The following TRAPPC12 variants were observed in gnomAD, a reference collection of about 807,000 sequenced individuals.
TRAPPC12 encodes TPR repeat protein 15.
TRAPPC12 carries 61 observed loss-of-function variants against 69.2 expected under a neutral mutation model. The ratio of observed to expected loss-of-function variants is 0.88; its 90% CI spans 0.72 to 1.09. The LOEUF is 1.09. Ranked by LOEUF, TRAPPC12 falls within the 50% of genes least tolerant of loss-of-function variation. TRAPPC12 has a pLI of 0.00. For synonymous variants in TRAPPC12, 469 were observed against 438.9 expected (o/e 1.07, Z -0.86); for missense variants, 1,101 against 1,016.4 (o/e 1.08, Z -1.13).
At chr2:3,452,446 C>G (rs764371643) in intron 6 of TRAPPC12, among the ~76,000 whole-genome samples, 1 of 152,174 alleles carries the variant, frequency 6.6e-6, no homozygotes, top group Admixed American at 6.5e-5. Flanking sequence ...AATGCATGGC[C>G]GCATTTAAAC....
In TRAPPC12 at chr2:3,414,380, G is replaced by T. The variant is rs370354175; in HGVS notation, c.1165-7501G>T. ...TAAGCATGGCAGTGGGGTCCTGGCA[G>T]CAGTCACTCCACTCTGGATTTAGTC... On this transcript the variant is annotated intron_variant, in intron 3 of 11. Transcript: ENST00000324266. The surrounding 1 kb of genome is among the most constrained non-coding windows in gnomAD (Gnocchi z 4.9). Among the ~76,000 whole-genome samples the T allele has an allele frequency of 3.3e-5, 5 of 152,188 alleles. No individual in the cohort carries two copies. The East Asian group carries it at 9.7e-4, about 30-fold the overall frequency.
intron 5 of TRAPPC12, among the ~76,000 whole-genome samples, chr2:3,434,586 C>T (rs1019008167): frequency 2.0e-5 from 3 of 152,198 alleles, no homozygotes; most frequent in African/African-American, 7.2e-5. Context: ...ACCTGGCCGG[C>T]TTGGGTCACC....
At chr2:3,392,531 G>T (rs1359136417) in intron 2 of TRAPPC12, among the ~76,000 whole-genome samples, 4 of 152,152 alleles carry the variant, frequency 2.6e-5, no homozygotes, top group Admixed American at 1.3e-4. Context: ...GTCTTATGTT[G>T]TATTTCTCCC....
At position 3,443,875 on chromosome 2, in the gene TRAPPC12, A is replaced by G; in HGVS notation, c.1514A>G (p.Lys505Arg). 6.2e-7 allele frequency: 1 copy of G among 1,613,814 alleles called. No individual in the cohort carries two copies. The change falls in exon 6 of 12, where the codon AAG (lysine) becomes AGG (arginine). Residue 505 changes from lysine (K) to arginine (R), a missense_variant. Lys to Arg is a conservative substitution (Grantham distance 26). Coordinates refer to ENST00000324266, the MANE Select transcript of TRAPPC12 (RefSeq NM_016030.6). ...TCGCTGGATAGACTGCACAAGGTGA[A>G]GACTGTCTGCAGCAAGGTAGGTGGC... ...QESLDRLHKV[K>R]TVCSKILANL...
At position 3,384,725 on chromosome 2, in the gene TRAPPC12, G is replaced by T. The variant is rs550620559; in HGVS notation, c.-4-2895G>T. On this transcript the variant is annotated intron_variant, in intron 1 of 11. Coordinates refer to ENST00000324266, the MANE Select transcript of TRAPPC12 (RefSeq NM_016030.6). ...GAGTGAGATGATAGCTTCCCTTTTA[G>T]TATGGCCTTGTCAAATTTTGGTCTC... Among the ~76,000 whole-genome samples, 3 of 152,250 alleles carry T rather than the reference G, an allele frequency of 2.0e-5. No individual in the cohort carries two copies. In the South Asian group the frequency reaches 6.2e-4, roughly 32 times the overall value.
At chr2:3,457,341 T>C in intron 6 of TRAPPC12, 1 of 473,388 alleles carries the variant, frequency 2.1e-6, no homozygotes, top group Non-Finnish European at 4.0e-6. Context: ...TTGGGTCCCA[T>C]GCTGACTACC....
At chr2:3,408,638 T>TA (rs1006678156) in intron 3 of TRAPPC12, among the ~76,000 whole-genome samples, 4 of 151,058 alleles carry the variant, frequency 2.6e-5, no homozygotes, top group Admixed American at 6.6e-5. Context: ...AAAAAAAATT[T>TA]AAAAAAAAAT....
chr2:3,416,397 G>A (rs1043042556), intron 3 of TRAPPC12, among the ~76,000 whole-genome samples: 2 of 152,042 alleles, frequency 1.3e-5, no homozygotes, highest in South Asian at 2.1e-4. Context: ...CTGTGTGTCC[G>A]CAGGGGCAGT....
chr2:3,421,705 A>C, intron 3 of TRAPPC12, 176 bp from the exon 4 acceptor site: 1 of 720,486 alleles, frequency 1.4e-6, no homozygotes, highest in Non-Finnish European at 2.6e-6. Flanking sequence ...TGCAGCGTTG[A>C]CAAATGGCAT....
In TRAPPC12 at chr2:3,387,686, C is replaced by T. The variant is rs745391786; in HGVS notation, c.63C>T (p.Leu21=). ...CGGAGGCCCCGCACCCCCCTCAGCT[C>T]GCGCCTCCGGAGGAGCAGGGGTTGC... ...PAPEAPHPPQ[L]APPEEQGLLF... Residue 21 remains leucine, a synonymous_variant, in exon 2 of 12, where the codon CTC becomes CTT. Coordinates refer to ENST00000324266, the MANE Select transcript of TRAPPC12 (RefSeq NM_016030.6). 8 of 1,563,692 alleles carry T rather than the reference C, an allele frequency of 5.1e-6. No individual in the cohort carries two copies. In the East Asian group the frequency reaches 9.7e-5, roughly 19 times the overall value.
In TRAPPC12 at chr2:3,414,467, CCTGGGGTCTGCCACT is replaced by C. The variant is rs1439094661; in HGVS notation, c.1165-7405_1165-7391del. 6.6e-6 allele frequency among the ~76,000 whole-genome samples: 1 copy of C among 152,102 alleles called. No individual in the cohort carries two copies. The highest frequency in any genetic ancestry group is 1.9e-4 in the East Asian group (1 of 5,178). On this transcript the variant is annotated intron_variant, in intron 3 of 11. Transcript: ENST00000324266. The surrounding 1 kb of genome is among the most constrained non-coding windows in gnomAD (Gnocchi z 4.9). ...TTCTTGTCCTCCCCCCTGCCGCCACCCTGGGGTCTGCCACTCTGGGGTCCAGCCTCTAGCTCCAGC... is the reference window on the plus strand; with the variant it reads ...TTCTTGTCCTCCCCCCTGCCGCCACCCTGGGGTCCAGCCTCTAGCTCCAGC...
intron 5 of TRAPPC12, among the ~76,000 whole-genome samples, chr2:3,429,053 T>C (rs770704299): frequency 4.6e-5 from 7 of 152,146 alleles, no homozygotes; most frequent in Non-Finnish European, 7.3e-5. Context: ...GCGGGAGAGG[T>C]GGAAGCTGCT....
intron 2 of TRAPPC12, among the ~76,000 whole-genome samples, chr2:3,401,130 C>T (rs1318837534): frequency 6.6e-6 from 1 of 152,224 alleles, no homozygotes; most frequent in East Asian, 1.9e-4. Flanking sequence ...CCCAGCAGCT[C>T]CTGGAGCAAG....
chr2:3,457,519 T>C (rs562287943), intron 6 of TRAPPC12, 102 bp from the exon 7 acceptor site: 124 of 856,738 alleles, frequency 1.4e-4, no homozygotes, highest in Middle Eastern at 7.0e-4. Flanking sequence ...GACAAATTGT[T>C]TTCATCCAGA....
chr2:3,433,607 C>G (rs1663587102), intron 5 of TRAPPC12, among the ~76,000 whole-genome samples: 1 of 152,224 alleles, frequency 6.6e-6, no homozygotes, highest in South Asian at 2.1e-4. Flanking sequence ...TCTTTGTTCC[C>G]TTTCATTTTT....
chr2:3,457,929 C>G, intron 7 of TRAPPC12: 1 of 1,402,462 alleles, frequency 7.1e-7, no homozygotes, highest in Non-Finnish European at 9.2e-7. Flanking sequence ...GAAGACACGC[C>G]TTCACCACAA....
chr2:3,443,755 C>T, intron 5 of TRAPPC12, 24 bp from the exon 6 acceptor site: 1 of 1,600,414 alleles, frequency 6.2e-7, no homozygotes, highest in Admixed American at 1.7e-5. Context: ...CAAACAAACT[C>T]ACTCAGCACT....
chr2:3,401,942 C>A, intron 3 of TRAPPC12, 49 bp downstream of exon 3: 2 of 1,211,816 alleles, frequency 1.7e-6, no homozygotes, highest in Non-Finnish European at 2.3e-6. Flanking sequence ...ATAAGTCCTG[C>A]CTGCCTTCAT....
rs765570879 is a variant in TRAPPC12, at chr2:3,387,710, G to C, written c.87G>C (p.Leu29Phe). Residue 29 changes from leucine to phenylalanine, a missense_variant, in exon 2 of 12, where the codon TTG becomes TTC. Coordinates refer to ENST00000324266, the MANE Select transcript of TRAPPC12 (RefSeq NM_016030.6). Reference protein sequence around the residue: ...PQLAPPEEQGLLFQEETIDLG... With the variant: ...PQLAPPEEQGFLFQEETIDLG... Reference sequence around the variant, plus strand: ...TCGCGCCTCCGGAGGAGCAGGGGTTGCTCTTCCAGGAGGAAACCATCGATC... The same window carrying C: ...TCGCGCCTCCGGAGGAGCAGGGGTTCCTCTTCCAGGAGGAAACCATCGATC... The C allele has an allele frequency of 6.3e-7, 1 of 1,593,624 alleles. No individual in the cohort carries two copies. The highest frequency in any genetic ancestry group is 1.1e-5 in the South Asian group (1 of 87,928).
Sources: gnomAD v4.1 joint callset for allele counts (sites outside exome capture counted in the v4.1 genomes callset) on GRCh38, gnomAD v4.1.1 for gene constraint, Gnocchi (gnomAD v3.1) non-coding constraint, MANE v1.5 for transcripts, NCBI Gene and HGNC (gene_info 2026-07-23, HGNC 2026-07-21) for gene names.